Variants in C10orf90 observed in about 807,000 individuals in gnomAD.
The protein encoded by C10orf90 is (E2-independent) E3 ubiquitin-conjugating enzyme FATS.
A neutral mutation model predicts 62.5 loss-of-function variants in C10orf90; 56 were observed. The ratio of observed to expected loss-of-function variants is 0.90; its 90% confidence interval spans 0.72 to 1.12. The LOEUF (loss-of-function observed/expected upper bound fraction) is 1.12. Ranked by LOEUF, C10orf90 falls within the 50% of genes most tolerant of loss-of-function variation. The pLI is 0.00. For missense variants in C10orf90, 970 were observed against 880.4 expected (o/e 1.10, Z -1.29); for synonymous variants, 386 against 340.4 (o/e 1.13, Z -1.47).
intron 2 of C10orf90, among the ~76,000 whole-genome samples, chr10:126,608,220 G>A (rs567704392): frequency 3.3e-5 from 5 of 152,170 alleles, no homozygotes; most frequent in South Asian, 2.1e-4. Context: ...GCGATCCTCC[G>A]ATCTCAGCCT....
At chr10:126,538,283 C>T (rs764806623) in intron 2 of C10orf90, among the ~76,000 whole-genome samples, 14 of 152,208 alleles carry the variant, frequency 9.2e-5, no homozygotes, top group Non-Finnish European at 1.9e-4. Flanking sequence ...GATTCAATTA[C>T]CTCCCACAAC....
At chr10:126,603,520 T>C (rs780664097) in intron 2 of C10orf90, among the ~76,000 whole-genome samples, 1 of 152,110 alleles carries the variant, frequency 6.6e-6, no homozygotes, top group Non-Finnish European at 1.5e-5. Flanking sequence ...ATGCATGTCA[T>C]CCGATGTTGT....
At chr10:126,547,286 G>A (rs1396956473) in intron 2 of C10orf90, among the ~76,000 whole-genome samples, 1 of 151,886 alleles carries the variant, frequency 6.6e-6, no homozygotes, top group Non-Finnish European at 1.5e-5. Context: ...GGGCGTGGTG[G>A]CGGGCGCCTG....
At chr10:126,637,654 C>T (rs1316485638) in intron 2 of C10orf90, among the ~76,000 whole-genome samples, 1 of 152,170 alleles carries the variant, frequency 6.6e-6, no homozygotes, top group Non-Finnish European at 1.5e-5. Flanking sequence ...AGGGTCATGG[C>T]CACTTGGCAG....
chr10:126,651,522 G>A (rs922620533), intron 1 of C10orf90, among the ~76,000 whole-genome samples: 8 of 152,142 alleles, frequency 5.3e-5, no homozygotes, highest in Non-Finnish European at 1.2e-4. Context: ...AGTTTGAGAT[G>A]GAGGATTGTC....
At chr10:126,529,426 G>A (rs990337593) in intron 2 of C10orf90, among the ~76,000 whole-genome samples, 2 of 152,014 alleles carry the variant, frequency 1.3e-5, no homozygotes, top group Admixed American at 6.5e-5. Context: ...AAAGAGAGGA[G>A]GCAAGCCACA....
At chr10:126,441,522 A>T (rs2134025167) in intron 7 of C10orf90, among the ~76,000 whole-genome samples, 1 of 152,320 alleles carries the variant, frequency 6.6e-6, no homozygotes, top group South Asian at 2.1e-4. Context: ...CAAGTGCAAG[A>T]AGCACAAAGA....
In C10orf90 at chr10:126,512,288, A is replaced by AGTGTGTGT. The variant is rs377341185; in HGVS notation, c.405+1552_405+1559dup. Among the ~76,000 whole-genome samples, 1,086 of 144,888 alleles carry AGTGTGTGT rather than the reference A, an allele frequency of 7.5e-3. 18 individuals carry two copies. Among genetic ancestry groups the AGTGTGTGT allele is most frequent in the African/African-American group, 0.026 (1,003 of 38,666 alleles). On this transcript the variant is annotated intron_variant, in intron 3 of 9. Transcript: ENST00000488181. ...AGAGAGAGAGAGAAAGAGAGACAGA[A>AGTGTGTGT]GTGTGTGTGTGTGTGTGTGTCTGTG...
At chr10:126,442,505 A>C (rs1437996819) in intron 7 of C10orf90, among the ~76,000 whole-genome samples, 4 of 111,082 alleles carry the variant, frequency 3.6e-5, no homozygotes, top group Admixed American at 2.7e-4. Flanking sequence ...ATATATATAT[A>C]TATCTGTTAA....
At chr10:126,438,091 G>C (rs1858036005) in intron 7 of C10orf90, among the ~76,000 whole-genome samples, 2 of 152,184 alleles carry the variant, frequency 1.3e-5, no homozygotes, top group African/African-American at 4.8e-5. Context: ...CATTGTTACA[G>C]ATGCCGGGGT....
intron 2 of C10orf90, among the ~76,000 whole-genome samples, chr10:126,534,120 G>A (rs972981720): frequency 6.6e-6 from 1 of 152,210 alleles, no homozygotes; most frequent in African/African-American, 2.4e-5. Context: ...CAGCCCTTCA[G>A]GCTGAGGATT....
intron 7 of C10orf90, among the ~76,000 whole-genome samples, chr10:126,457,396 G>A (rs753417482): frequency 1.1e-4 from 16 of 152,184 alleles, no homozygotes; most frequent in South Asian, 8.3e-4. Flanking sequence ...GGATGATGGT[G>A]TTCCAGACCA....
chr10:126,448,455 C>T (rs1341192477), intron 7 of C10orf90, among the ~76,000 whole-genome samples: 3 of 152,218 alleles, frequency 2.0e-5, no homozygotes, highest in East Asian at 3.9e-4. Flanking sequence ...CCTACTGCTA[C>T]ACCTCAAGGG....
Position 126,504,854 on chromosome 10 carries a change from G to C in C10orf90, c.637C>G (p.Arg213Gly), listed in dbSNP as rs1358793634. The C allele has an allele frequency of 1.9e-6, 3 of 1,611,888 alleles. No individual in the cohort carries two copies. Among genetic ancestry groups the C allele is most frequent in the Admixed American group, 1.7e-5 (1 of 59,934 alleles). Residue 213 changes from arginine (R) to glycine (G), a missense_variant, in exon 4 of 10, where the codon CGA (arginine) becomes GGA (glycine). By Grantham distance (125) the Arg-to-Gly change is moderately radical. Transcript: ENST00000488181. This position sits in a 1 kb window ranked among gnomAD's most constrained non-coding sequence, Gnocchi z 4.1. ...RLGIPAPSDE[R>G]GPEAELPPKE... Reference sequence around the variant, plus strand: ...GGCGGCAGCTCTGCCTCAGGTCCTCGCTCATCTGACGGTGCCGGGATTCCT... The same window carrying C: ...GGCGGCAGCTCTGCCTCAGGTCCTCCCTCATCTGACGGTGCCGGGATTCCT...
At chr10:126,647,819 C>T (rs61875992) in intron 1 of C10orf90, among the ~76,000 whole-genome samples, 163 of 152,288 alleles carry the variant, frequency 1.1e-3, no homozygotes, top group Admixed American at 1.8e-3. Context: ...CTTTTAGCTC[C>T]ACTGTGAAAG....
chr10:126,621,490 T>C (rs1318706912), intron 2 of C10orf90, among the ~76,000 whole-genome samples: 1 of 152,252 alleles, frequency 6.6e-6, no homozygotes, highest in African/African-American at 2.4e-5. Context: ...GTGATTGGCA[T>C]GCAGTGTGTG....
rs571082457 is a variant in C10orf90 at position 126,547,605 on chromosome 10, A to C, written c.314-33666T>G. Among the ~76,000 whole-genome samples, 3 of 152,038 alleles carry C rather than the reference A, an allele frequency of 2.0e-5. No homozygotes were observed. The East Asian group carries it at 5.8e-4, about 29-fold the overall frequency. ...TATGATAAAAATGCTTCGACAAGCA[A>C]TTATAAGCTCACTTGAAACAAATGA... On this transcript the variant is annotated intron_variant, in intron 2 of 9. Transcript: ENST00000488181.
At chr10:126,522,373 T>G (rs1863785523) in intron 2 of C10orf90, among the ~76,000 whole-genome samples, 1 of 152,226 alleles carries the variant, frequency 6.6e-6, no homozygotes, top group Admixed American at 6.5e-5. Context: ...TGTGAGAAAC[T>G]GCATAACTTA....
intron 1 of C10orf90, among the ~76,000 whole-genome samples, chr10:126,647,918 C>T (rs1037945284): frequency 6.6e-6 from 1 of 152,146 alleles, no homozygotes; most frequent in African/African-American, 2.4e-5. Context: ...GCCAGCTAGA[C>T]CCAACACGCT....
Sources: allele counts gnomAD v4.1 joint callset (sites outside exome capture counted in the v4.1 genomes callset), GRCh38; gene constraint gnomAD v4.1.1; non-coding constraint Gnocchi (gnomAD v3.1); transcripts MANE v1.5; gene names NCBI Gene and HGNC (gene_info 2026-07-23, HGNC 2026-07-21).